The following DYNC1I1 variants were observed in gnomAD, a reference collection of about 807,000 sequenced individuals.
DYNC1I1 encodes dynein cytoplasmic 1 intermediate chain 1.
DYNC1I1 carries 43 observed loss-of-function variants against 86.6 expected under a neutral mutation model. That is an observed-to-expected ratio of 0.50 (90% CI 0.39 to 0.64). The LOEUF (loss-of-function observed/expected upper bound fraction) is 0.64, where lower values mean the gene tolerates loss of function less well. Ranked by LOEUF, DYNC1I1 falls within the 30% of genes least tolerant of loss-of-function variation. DYNC1I1 has a pLI of 0.00. For missense variants in DYNC1I1, 604 were observed against 788.8 expected, an observed-to-expected ratio of 0.77 and a Z score of 2.81; for synonymous variants, 262 against 283.7, an observed-to-expected ratio of 0.92 and a Z score of 0.77.
At chr7:95,972,334 C>T (rs1457625100) in intron 6 of DYNC1I1, among the ~76,000 whole-genome samples, 1 of 152,144 alleles carries the variant, frequency 6.6e-6, no homozygotes, top group Non-Finnish European at 1.5e-5. Flanking sequence ...TTGGGCGTCA[C>T]TGCTGCTACT....
intron 16 of DYNC1I1, among the ~76,000 whole-genome samples, chr7:96,083,985 C>G (rs1388870904): frequency 6.6e-6 from 1 of 152,102 alleles, no homozygotes; most frequent in African/African-American, 2.4e-5. Context: ...TTCCTCAGTA[C>G]GTTGAATACA....
chr7:95,877,492 G>T (rs956400338), intron 6 of DYNC1I1, among the ~76,000 whole-genome samples: 1 of 152,170 alleles, frequency 6.6e-6, no homozygotes, highest in Non-Finnish European at 1.5e-5. Context: ...CAGAATCTTG[G>T]TGCAAAGATT....
chr7:95,890,705 A>G (rs768799722), intron 6 of DYNC1I1, among the ~76,000 whole-genome samples: 18 of 152,210 alleles, frequency 1.2e-4, no homozygotes, highest in Admixed American at 3.3e-4. Context: ...AGTCACCAGA[A>G]AGGTATGTTA....
intron 6 of DYNC1I1, among the ~76,000 whole-genome samples, chr7:95,945,138 G>T (rs10266494): frequency 2.9e-4 from 44 of 151,982 alleles, no homozygotes; most frequent in African/African-American, 1.1e-3. Context: ...ATGTTAATCA[G>T]ATGCATTTAT....
At chr7:95,829,457 A>G (rs1049335937) in intron 5 of DYNC1I1, among the ~76,000 whole-genome samples, 6 of 152,178 alleles carry the variant, frequency 3.9e-5, no homozygotes, top group Non-Finnish European at 8.8e-5. Flanking sequence ...TATGGCTTAA[A>G]TAAAGCAGAG....
intron 2 of DYNC1I1, among the ~76,000 whole-genome samples, chr7:95,807,708 C>A (rs1416666094): frequency 6.6e-6 from 1 of 152,136 alleles, no homozygotes; most frequent in African/African-American, 2.4e-5. Context: ...CTGTTAACTG[C>A]ATGTCTTTCC....
In DYNC1I1 at chr7:95,987,196, T is replaced by A. The variant is rs552202510; in HGVS notation, c.843+41T>A. The A allele has an allele frequency of 2.0e-6, 3 of 1,518,966 alleles. No homozygotes were observed. In the South Asian group the frequency reaches 3.5e-5, roughly 17 times the overall value. The allele number at this position is 1,518,966 out of a possible 1,614,324, so 94.1% of individuals were successfully genotyped here. Reference sequence around the variant, plus strand: ...GGGCTGGGACAAACTGGGCTTGTGTTCTCGTGGCATTTGTATAAAAAAATA... The same window carrying A: ...GGGCTGGGACAAACTGGGCTTGTGTACTCGTGGCATTTGTATAAAAAAATA... On this transcript the variant is annotated intron_variant, in intron 9 of 16. Transcript: ENST00000447467.
chr7:95,853,711 T>C (rs1789641735), intron 5 of DYNC1I1, among the ~76,000 whole-genome samples: 1 of 152,190 alleles, frequency 6.6e-6, no homozygotes. Flanking sequence ...TATGTGTCTT[T>C]ATTGATTTTC....
intron 14 of DYNC1I1, among the ~76,000 whole-genome samples, chr7:96,069,848 T>C (rs1252997489): frequency 6.6e-6 from 1 of 152,238 alleles, no homozygotes; most frequent in Non-Finnish European, 1.5e-5. Context: ...CTTCAGTACT[T>C]ATTTAGCAAA....
At chr7:96,011,320 GC>G (rs1300306612) in intron 10 of DYNC1I1, among the ~76,000 whole-genome samples, 2 of 152,112 alleles carry the variant, frequency 1.3e-5, no homozygotes, top group African/African-American at 4.8e-5. Flanking sequence ...TAGGGCTCAT[GC>G]TCAAGAACAT....
chr7:95,793,225 G>A (rs1794352317), intron 1 of DYNC1I1, among the ~76,000 whole-genome samples: 1 of 152,128 alleles, frequency 6.6e-6, no homozygotes, highest in African/African-American at 2.4e-5. Flanking sequence ...GATCAGAGAG[G>A]GCAAGCTGGT....
At chr7:96,023,211 T>C (rs1794595553) in intron 10 of DYNC1I1, among the ~76,000 whole-genome samples, 1 of 112,416 alleles carries the variant, frequency 8.9e-6, no homozygotes. Flanking sequence ...CAGCCACCAT[T>C]TAACAGCATA....
chr7:95,834,479 G>T (rs1363836904), intron 5 of DYNC1I1, among the ~76,000 whole-genome samples: 2 of 104,782 alleles, frequency 1.9e-5, no homozygotes, highest in East Asian at 3.3e-4. Context: ...AATGATGCTG[G>T]CCTCATAAAA....
At chr7:95,838,510 T>C (rs1789181493) in intron 5 of DYNC1I1, among the ~76,000 whole-genome samples, 2 of 152,226 alleles carry the variant, frequency 1.3e-5, no homozygotes, top group Admixed American at 6.5e-5. Context: ...AAGATTGCTT[T>C]GGTTATTCAA....
chr7:95,933,025 C>T (rs1016765683), intron 6 of DYNC1I1, among the ~76,000 whole-genome samples: 3 of 151,642 alleles, frequency 2.0e-5, no homozygotes, highest in South Asian at 2.1e-4. Context: ...GGCCTGCAGG[C>T]TTGTGTCATC....
chr7:96,014,374 C>G (rs1350722329), intron 10 of DYNC1I1, among the ~76,000 whole-genome samples: 2 of 152,170 alleles, frequency 1.3e-5, no homozygotes, highest in Non-Finnish European at 2.9e-5. Context: ...ATGTAAGGTT[C>G]CAGCTGCTTT....
chr7:95,823,151 A>G (rs1795117454), intron 4 of DYNC1I1, among the ~76,000 whole-genome samples: 1 of 152,140 alleles, frequency 6.6e-6, no homozygotes, highest in African/African-American at 2.4e-5. Context: ...TAGCAGTCTT[A>G]TAAGACCTAG....
rs1286977237 is a variant in DYNC1I1, at chr7:96,066,368, C to A, written c.1510-9689C>A. Among the ~76,000 whole-genome samples, 5 of 152,222 alleles carry A rather than the reference C, an allele frequency of 3.3e-5. No homozygotes were observed. In the East Asian group the frequency reaches 9.6e-4, roughly 29 times the overall value. Reference sequence around the variant, plus strand: ...ACTACCACCCCCAATCTTCAAATTCCTCTGGCACCTAACATCTGTACCACA... The same window carrying A: ...ACTACCACCCCCAATCTTCAAATTCATCTGGCACCTAACATCTGTACCACA... On this transcript the variant is annotated intron_variant, in intron 14 of 16. Transcript: ENST00000447467.
At chr7:95,987,032 T>C (rs1793612955) in intron 8 of DYNC1I1, 24 bp from the exon 9 acceptor site, 1 of 1,603,488 alleles carries the variant, frequency 6.2e-7, no homozygotes, top group Non-Finnish European at 8.5e-7. Context: ...TCCATATTTA[T>C]CTCTGATGTT....
Sources: allele counts gnomAD v4.1 joint callset (sites outside exome capture counted in the v4.1 genomes callset), GRCh38; gene constraint gnomAD v4.1.1; transcripts MANE v1.5; gene names NCBI Gene and HGNC (gene_info 2026-07-23, HGNC 2026-07-21).